ASB18: variants seen among roughly 807,000 people sequenced by gnomAD.
ASB18 encodes ankyrin repeat and SOCS box containing 18.
Under a neutral mutation model 33.4 loss-of-function variants are expected in ASB18, and 33 were observed. The ratio of observed to expected loss-of-function variants is 0.99; its 90% CI spans 0.75 to 1.32. The LOEUF is 1.32. ASB18 is among the 40% of genes most tolerant of loss of function. ASB18 has a pLI of 0.00. For missense variants in ASB18, 694 were observed against 655.5 expected, an observed-to-expected ratio of 1.06 and a Z score of -0.64; for synonymous variants, 295 against 307.6, an observed-to-expected ratio of 0.96 and a Z score of 0.43.
intron 1 of ASB18, among the ~76,000 whole-genome samples, chr2:236,258,778 G>A (rs1297058859): frequency 6.6e-6 from 1 of 152,080 alleles, no homozygotes; most frequent in African/African-American, 2.4e-5. Context: ...ACATGACGCT[G>A]GTGAGATCTC....
In ASB18 at chr2:236,260,087, A is replaced by G. The variant is rs1477039191; in HGVS notation, c.205+4054T>C. On this transcript the variant is annotated intron_variant, in intron 1 of 5. Coordinates refer to ENST00000409749, the MANE Select transcript of ASB18 (RefSeq NM_212556.4). The surrounding 1 kb of genome is among the most constrained non-coding windows in gnomAD (Gnocchi z 5.1). ...ATGAGCATGGTGATTGCACTGCAAG[A>G]GGCAAGGTCCTCAAGTGATCATGTT... 1.3e-5 allele frequency among the ~76,000 whole-genome samples: 2 copies of G among 152,246 alleles called. No individual in the cohort carries two copies. The highest frequency in any genetic ancestry group is 4.8e-5 in the African/African-American group (2 of 41,468).
rs1333148516 is a variant in ASB18, at chr2:236,194,601, G to C, written c.*271C>G. On this transcript the variant is annotated 3_prime_UTR_variant, in exon 6 of 6. Coordinates refer to ENST00000409749, the MANE Select transcript of ASB18 (RefSeq NM_212556.4). The surrounding 1 kb of genome is among the most constrained non-coding windows in gnomAD (Gnocchi z 4.5). ...TGTACCTTTTGGCTTAACTGTTGTT[G>C]AAAGGTACTTTCCCAGACCAAGTGC... Among the ~76,000 whole-genome samples, 4 of 152,214 alleles carry C rather than the reference G, an allele frequency of 2.6e-5. No individual in the cohort carries two copies. In the East Asian group the frequency reaches 7.7e-4, roughly 29 times the overall value.
chr2:236,242,490 TG>T (rs1476386303), intron 1 of ASB18, among the ~76,000 whole-genome samples: 7 of 152,130 alleles, frequency 4.6e-5, no homozygotes, highest in South Asian at 2.1e-4. Context: ...TATAAATAGT[TG>T]GGAAAAATCA....
intron 3 of ASB18, among the ~76,000 whole-genome samples, chr2:236,232,398 A>T (rs2060570280): frequency 6.6e-6 from 1 of 152,062 alleles, no homozygotes; most frequent in Middle Eastern, 3.2e-3. Context: ...AAAAACATGA[A>T]AGTTCCTGAC....
Position 236,237,442 on chromosome 2 carries a change from C to T in ASB18, c.596+247G>A, listed in dbSNP as rs2060599661. On this transcript the variant is annotated intron_variant, in intron 3 of 5. Coordinates refer to ENST00000409749, the MANE Select transcript of ASB18 (RefSeq NM_212556.4). The surrounding 1 kb of genome is among the most constrained non-coding windows in gnomAD (Gnocchi z 6.2). ...CCGGGGCCGGGGCGCGGGGCGAGGG[C>T]CGGGAGGTGCCAGGTCTGGGGTCCC... Among the ~76,000 whole-genome samples, 1 of 146,590 alleles carries T rather than the reference C, an allele frequency of 6.8e-6. No individual in the cohort carries two copies. Among genetic ancestry groups the T allele is most frequent in the African/African-American group, 2.5e-5 (1 of 40,388 alleles).
In ASB18 at chr2:236,258,240, C is replaced by T. The variant is rs557851946; in HGVS notation, c.205+5901G>A. Among the ~76,000 whole-genome samples, 7 of 152,246 alleles carry T rather than the reference C, an allele frequency of 4.6e-5. No individual in the cohort carries two copies. In the East Asian group the frequency reaches 1.2e-3, roughly 25 times the overall value. ...CCACTCCTGGGAAGGCAGTGTGGGT[C>T]GGGAGGCTTTGTTGATCCCCTCCAC... On this transcript the variant is annotated intron_variant, in intron 1 of 5. Transcript: ENST00000409749.
Position 236,209,699 on chromosome 2 carries a change from C to T in ASB18, c.1101+4663G>A, listed in dbSNP as rs2060450307. 1.3e-5 allele frequency among the ~76,000 whole-genome samples: 2 copies of T among 152,198 alleles called. No individual in the cohort carries two copies. The highest frequency in any genetic ancestry group is 4.8e-5 in the African/African-American group (2 of 41,436). On this transcript the variant is annotated intron_variant, in intron 4 of 5. Coordinates refer to ENST00000409749, the MANE Select transcript of ASB18 (RefSeq NM_212556.4). The surrounding 1 kb of genome is among the most constrained non-coding windows in gnomAD (Gnocchi z 4.4). ...TTCTCTACGTCGAGCTTAGAAATTC[C>T]AAAATACTGATTGGATGATGTCATC...
At position 236,256,884 on chromosome 2, in the gene ASB18, GA is replaced by G. The variant is rs892964225; in HGVS notation, c.205+7256del. The stretch of plus-strand genomic sequence containing the variant: ...CAGTGTCATTCAACCTGCTTCTGGG[GA>G]AAAAAAAAGAGCCTAGGGTGTGTGT... On this transcript the variant is annotated intron_variant, in intron 1 of 5. Transcript: ENST00000409749. This position sits in a 1 kb window ranked among gnomAD's most constrained non-coding sequence, Gnocchi z 4.7. Among the ~76,000 whole-genome samples, 8 of 149,744 alleles carry G rather than the reference GA, an allele frequency of 5.3e-5. No individual in the cohort carries two copies. Among genetic ancestry groups the G allele is most frequent in the South Asian group, 2.1e-4 (1 of 4,658 alleles).
rs72976652 is a variant in ASB18 at position 236,255,108 on chromosome 2, C to G, written c.205+9033G>C. ...ACGCTTCCTGTACAGCCTGCAGAAC[C>G]GTGAGCCAATTAAACCTCTGGTATT... On this transcript the variant is annotated intron_variant, in intron 1 of 5. Coordinates refer to ENST00000409749, the MANE Select transcript of ASB18 (RefSeq NM_212556.4). The surrounding 1 kb of genome is among the most constrained non-coding windows in gnomAD (Gnocchi z 4.4). Among the ~76,000 whole-genome samples the G allele has an allele frequency of 6.9e-3, 1,047 of 152,256 alleles. 8 individuals are homozygous for G. Among genetic ancestry groups the G allele is most frequent in the South Asian group, 0.01 (49 of 4,818 alleles).
chr2:236,262,831 C>G lies in ASB18; in HGVS notation c.205+1310G>C, dbSNP rs1300384814. 6.6e-6 allele frequency among the ~76,000 whole-genome samples: 1 copy of G among 152,068 alleles called. No homozygotes were observed. The highest frequency in any genetic ancestry group is 1.5e-5 in the Non-Finnish European group (1 of 68,020). The stretch of plus-strand genomic sequence containing the variant: ...AGCAAGAGAAGGTTCCTCCCTAAAG[C>G]GACTTGCTTAAGTCCCCACTGAAAG... On this transcript the variant is annotated intron_variant, in intron 1 of 5. Coordinates refer to ENST00000409749, the MANE Select transcript of ASB18 (RefSeq NM_212556.4). This position sits in a 1 kb window ranked among gnomAD's most constrained non-coding sequence, Gnocchi z 5.2.
rs1227960564 is a variant in ASB18 at position 236,204,708 on chromosome 2, C to T, written c.1102-8323G>A. 6.6e-6 allele frequency among the ~76,000 whole-genome samples: 1 copy of T among 152,108 alleles called. No homozygotes were observed. Among genetic ancestry groups the T allele is most frequent in the Admixed American group, 6.5e-5 (1 of 15,278 alleles). On this transcript the variant is annotated intron_variant, in intron 4 of 5. Transcript: ENST00000409749. The surrounding 1 kb of genome is among the most constrained non-coding windows in gnomAD (Gnocchi z 5.1). ...GTGCCACCCATAACCTGCCCCATTC[C>T]CAAGTGATAGCAAACTCATTCTTGT... is the stretch of plus-strand genomic sequence containing the variant.
intron 4 of ASB18, among the ~76,000 whole-genome samples, chr2:236,207,842 T>C (rs547028970): frequency 1.3e-4 from 19 of 151,016 alleles, no homozygotes; most frequent in African/African-American, 4.1e-4. Flanking sequence ...TTTTTGGTAA[T>C]GTCTGCCTGA....
rs756271686 is a variant in ASB18 at position 236,259,736 on chromosome 2, G to A, written c.205+4405C>T. On this transcript the variant is annotated intron_variant, in intron 1 of 5. Coordinates refer to ENST00000409749, the MANE Select transcript of ASB18 (RefSeq NM_212556.4). This position sits in a 1 kb window ranked among gnomAD's most constrained non-coding sequence, Gnocchi z 4.4. ...CAGGTCCATCCTTGCAGGAGAGCAG[G>A]TGCCTTCACAAGGGCACAGGCCAGT... The A allele has an allele frequency of 5.4e-6, 2 of 372,242 alleles. No individual in the cohort carries two copies. The highest frequency in any genetic ancestry group is 1.1e-5 in the Non-Finnish European group (2 of 182,160). The allele number at this position is 372,242 out of a possible 1,614,324, so 23.1% of individuals were successfully genotyped here.
At position 236,251,901 on chromosome 2, in the gene ASB18, T is replaced by C. The variant is rs2060670310; in HGVS notation, c.206-10499A>G. On this transcript the variant is annotated intron_variant, in intron 1 of 5. Transcript: ENST00000409749. The surrounding 1 kb of genome is among the most constrained non-coding windows in gnomAD (Gnocchi z 5.3). Reference sequence around the variant, plus strand: ...TTGCAGGTGGGAGGGTAAATTGCTGTTCAGTTTGGAAATGTTCTATACTGA... The same window carrying C: ...TTGCAGGTGGGAGGGTAAATTGCTGCTCAGTTTGGAAATGTTCTATACTGA... Among the ~76,000 whole-genome samples, 1 of 152,160 alleles carries C rather than the reference T, an allele frequency of 6.6e-6. No individual in the cohort carries two copies. Among genetic ancestry groups the C allele is most frequent in the East Asian group, 1.9e-4 (1 of 5,190 alleles).
chr2:236,224,089 C>T (rs2060525550), intron 3 of ASB18, among the ~76,000 whole-genome samples: 1 of 150,568 alleles, frequency 6.6e-6, no homozygotes, highest in Non-Finnish European at 1.5e-5. Context: ...TTGTAAGAAA[C>T]TGCCAGTTTT....
At position 236,261,819 on chromosome 2, in the gene ASB18, C is replaced by T. The variant is rs186796303; in HGVS notation, c.205+2322G>A. Among the ~76,000 whole-genome samples, 780 of 152,228 alleles carry T rather than the reference C, an allele frequency of 5.1e-3. 1 individual carries two copies. Among genetic ancestry groups the T allele is most frequent in the Non-Finnish European group, 8.2e-3 (555 of 68,010 alleles). ...AGAAGGTGAGGGAAGAACAAAGACA[C>T]GTTTTACATGGTGGCAGGCAAGAGA... On this transcript the variant is annotated intron_variant, in intron 1 of 5. Transcript: ENST00000409749.
In ASB18 at chr2:236,255,466, G is replaced by A. The variant is rs944376974; in HGVS notation, c.205+8675C>T. Among the ~76,000 whole-genome samples the A allele has an allele frequency of 2.0e-5, 3 of 152,120 alleles. No individual in the cohort carries two copies. Among genetic ancestry groups the A allele is most frequent in the Non-Finnish European group, 4.4e-5 (3 of 68,030 alleles). ...GCCTGGTATTTCTTTATCACAATGCGAGAACGGACTAACACAGTGGGGAGA... is the reference window on the plus strand; with the variant it reads ...GCCTGGTATTTCTTTATCACAATGCAAGAACGGACTAACACAGTGGGGAGA... On this transcript the variant is annotated intron_variant, in intron 1 of 5. Coordinates refer to ENST00000409749, the MANE Select transcript of ASB18 (RefSeq NM_212556.4). This position sits in a 1 kb window ranked among gnomAD's most constrained non-coding sequence, Gnocchi z 4.4.
In ASB18 at chr2:236,231,732, C is replaced by T. The variant is rs537330354; in HGVS notation, c.596+5957G>A. 2.6e-5 allele frequency among the ~76,000 whole-genome samples: 4 copies of T among 152,326 alleles called. No individual in the cohort carries two copies. In the East Asian group the frequency reaches 7.7e-4, roughly 29 times the overall value. On this transcript the variant is annotated intron_variant, in intron 3 of 5. Coordinates refer to ENST00000409749, the MANE Select transcript of ASB18 (RefSeq NM_212556.4). The surrounding 1 kb of genome is among the most constrained non-coding windows in gnomAD (Gnocchi z 5.5). The stretch of plus-strand genomic sequence containing the variant: ...GGATTACTGGTGTGATCCACTGCAC[C>T]TGGCCTAGACCAAAGAATATTACTA...
At position 236,203,072 on chromosome 2, in the gene ASB18, T is replaced by C. The variant is rs1184518543; in HGVS notation, c.1102-6687A>G. Among the ~76,000 whole-genome samples the C allele has an allele frequency of 6.6e-6, 1 of 152,148 alleles. No homozygotes were observed. Among genetic ancestry groups the C allele is most frequent in the Non-Finnish European group, 1.5e-5 (1 of 68,038 alleles). On this transcript the variant is annotated intron_variant, in intron 4 of 5. Coordinates refer to ENST00000409749, the MANE Select transcript of ASB18 (RefSeq NM_212556.4). This position sits in a 1 kb window ranked among gnomAD's most constrained non-coding sequence, Gnocchi z 6.0. Reference sequence around the variant, plus strand: ...TTGTCCCTGTTATAGCTGGGTTGTATGCTCACCACCTGTCCTTTAAGCCAT... The same window carrying C: ...TTGTCCCTGTTATAGCTGGGTTGTACGCTCACCACCTGTCCTTTAAGCCAT...
Sources: allele counts gnomAD v4.1 joint callset (sites outside exome capture counted in the v4.1 genomes callset), GRCh38; gene constraint gnomAD v4.1.1; non-coding constraint Gnocchi (gnomAD v3.1); transcripts MANE v1.5; gene names NCBI Gene and HGNC (gene_info 2026-07-23, HGNC 2026-07-21).